The following DCX variants were observed in gnomAD, a reference collection of about 807,000 sequenced individuals.
DCX encodes the protein neuronal migration protein doublecortin.
Under a neutral mutation model 20.9 loss-of-function variants are expected in DCX, and 4 were observed. That is an observed-to-expected ratio of 0.19 (90% confidence interval 0.09 to 0.44). The LOEUF (loss-of-function observed/expected upper bound fraction) is 0.44, where lower values mean the gene tolerates loss of function less well. Ranked by LOEUF, DCX falls within the 20% of genes least tolerant of loss-of-function variation. The pLI is 0.99. For missense variants in DCX, 133 were observed against 296.9 expected (o/e 0.45, Z 4.06); for synonymous variants, 103 against 111.4 (o/e 0.92, Z 0.47).
At chrX:111,314,344 G>A (rs181336444) in intron 5 of DCX, among the ~76,000 whole-genome samples, 1 of 111,881 alleles carries the variant, frequency 8.9e-6, no homozygotes, top group East Asian at 2.8e-4. Flanking sequence ...CTTCCTGGGG[G>A]AGGCAGGCAA....
intron 3 of DCX, among the ~76,000 whole-genome samples, chrX:111,352,957 A>G (rs1293483821): frequency 9.0e-6 from 1 of 111,268 alleles, no homozygotes; most frequent in Non-Finnish European, 1.9e-5. Context: ...TGTCCTACAC[A>G]ATGGTGTTTT....
intron 3 of DCX, among the ~76,000 whole-genome samples, chrX:111,380,895 T>G (rs1159272778): frequency 9.0e-6 from 1 of 110,899 alleles, no homozygotes; most frequent in Non-Finnish European, 1.9e-5. Flanking sequence ...TTTTTGAAAA[T>G]TATATTTTAA....
intron 3 of DCX, among the ~76,000 whole-genome samples, chrX:111,339,033 A>G (rs769155237): frequency 3.6e-5 from 4 of 111,280 alleles, no homozygotes; most frequent in Non-Finnish European, 5.7e-5. Flanking sequence ...TTCCCTAAAT[A>G]CTTTTCCTTC....
At chrX:111,348,865 T>TA (rs373998339) in intron 3 of DCX, among the ~76,000 whole-genome samples, 1,271 of 97,510 alleles carry the variant, frequency 0.013, 8 homozygotes, top group African/African-American at 0.033. Flanking sequence ...AAAGGTTTGT[T>TA]AAAAAAAAAA....
Position 111,296,905 on chromosome X carries a change from C to A in DCX, c.*4782G>T, listed in dbSNP as rs2095022587. On this transcript the variant is annotated 3_prime_UTR_variant, in exon 7 of 7. Transcript: ENST00000636035. ...CACTAAGAGTCTGGGTGTATAAAGACCATACTAGACTTTTGGAGACAAAAA... is the reference window on the plus strand; with the variant it reads ...CACTAAGAGTCTGGGTGTATAAAGAACATACTAGACTTTTGGAGACAAAAA... 1 of 111,336 alleles carries A rather than the reference C, an allele frequency of 9.0e-6. No homozygotes were observed. Among genetic ancestry groups the A allele is most frequent in the Admixed American group, 9.5e-5 (1 of 10,504 alleles). 9.2% of individuals were successfully genotyped at this position (111,336 alleles called of 1,213,427 possible). A position where few individuals can be genotyped will look rare whatever the true frequency, so the allele number is the denominator to read the frequency against.
intron 3 of DCX, among the ~76,000 whole-genome samples, chrX:111,354,613 A>T (rs1923578719): frequency 8.9e-6 from 1 of 112,086 alleles, no homozygotes; most frequent in Non-Finnish European, 1.9e-5. Context: ...CCACACAGAA[A>T]GGCAGGACTA....
chrX:111,305,135 AAC>A (rs2095042261), intron 6 of DCX, among the ~76,000 whole-genome samples: 1 of 111,987 alleles, frequency 8.9e-6, no homozygotes, highest in Admixed American at 9.5e-5. Flanking sequence ...CCCTGATAGA[AAC>A]ACAGAATCCA....
Position 111,401,311 on chromosome X carries a change from G to C in DCX, c.384C>G (p.Ser128=), listed in dbSNP as rs1318644256. The part of the protein sequence containing the change: ...ELEEGESYVC[S]SDNFFKKVEY... ...CCACCTTTTTAAAGAAGTTGTCTGA[G>C]GAACAGACATAGCTTTCCCCTAAGG... Residue 128 remains serine, a synonymous_variant, in exon 3 of 7, where the codon TCC becomes TCG. Transcript: ENST00000636035. 8.3e-7 allele frequency: 1 copy of C among 1,209,538 alleles called. No homozygotes were observed. The highest frequency in any genetic ancestry group is 1.1e-6 in the Non-Finnish European group (1 of 893,438).
intron 3 of DCX, among the ~76,000 whole-genome samples, chrX:111,366,290 G>A (rs919931652): frequency 5.3e-4 from 59 of 111,632 alleles, no homozygotes; most frequent in Middle Eastern, 4.6e-3. Flanking sequence ...CAATTAAACA[G>A]TAACAGCCAG....
chrX:111,301,760 G>A lies in DCX; in HGVS notation c.1045-17C>T, dbSNP rs2095034726. 8.3e-7 allele frequency: 1 copy of A among 1,205,391 alleles called. No homozygotes were observed. Among genetic ancestry groups the A allele is most frequent in the Non-Finnish European group, 1.1e-6 (1 of 889,932 alleles). On this transcript the variant is annotated splice_polypyrimidine_tract_variant and intron_variant, in intron 6 of 6. Transcript: ENST00000636035. Reference sequence around the variant, plus strand: ...GTACAGGTCCTATAAGAAGAGAAGAGACAAAGTTAATTTTCCTTTTCTTGA... The same window carrying A: ...GTACAGGTCCTATAAGAAGAGAAGAAACAAAGTTAATTTTCCTTTTCTTGA...
At chrX:111,361,857 C>T (rs999005041) in intron 3 of DCX, among the ~76,000 whole-genome samples, 1 of 111,789 alleles carries the variant, frequency 8.9e-6, no homozygotes, top group Non-Finnish European at 1.9e-5. Flanking sequence ...AAGCCAACTG[C>T]TTTATCTAGT....
intron 3 of DCX, among the ~76,000 whole-genome samples, chrX:111,355,933 C>T (rs1269602067): frequency 1.8e-5 from 2 of 111,813 alleles, no homozygotes; most frequent in East Asian, 2.8e-4. Context: ...ACAAACAATA[C>T]TGTTGAAAGG....
chrX:111,385,561 C>G (rs1406516801), intron 3 of DCX, among the ~76,000 whole-genome samples: 2 of 109,954 alleles, frequency 1.8e-5, no homozygotes, highest in African/African-American at 6.6e-5. Context: ...GAGGCTGAGG[C>G]AGGAGAATCA....
intron 3 of DCX, among the ~76,000 whole-genome samples, chrX:111,381,730 A>G (rs1328404151): frequency 9.0e-6 from 1 of 111,697 alleles, no homozygotes; most frequent in Non-Finnish European, 1.9e-5. Context: ...ATGGTTGTCC[A>G]AAGTTGAAAT....
intron 3 of DCX, among the ~76,000 whole-genome samples, chrX:111,359,508 G>A (rs1924026399): frequency 1.8e-5 from 2 of 111,367 alleles, no homozygotes; most frequent in South Asian, 7.5e-4. Flanking sequence ...CAAAACCGAA[G>A]CCATAAAATT....
At chrX:111,333,290 C>A in intron 3 of DCX, 137 bp from the exon 4 acceptor site, 1 of 515,794 alleles carries the variant, frequency 1.9e-6, no homozygotes, top group Non-Finnish European at 3.5e-6. Context: ...CTTAAAACAC[C>A]TACCACATTC....
At chrX:111,382,870 T>A (rs955719426) in intron 3 of DCX, among the ~76,000 whole-genome samples, 41 of 110,184 alleles carry the variant, frequency 3.7e-4, no homozygotes, top group African/African-American at 1.4e-3. Flanking sequence ...CTTCTAGGAG[T>A]CATTCAACAA....
chrX:111,336,536 C>G (rs972840159), intron 3 of DCX, among the ~76,000 whole-genome samples: 2 of 112,120 alleles, frequency 1.8e-5, no homozygotes, highest in African/African-American at 6.5e-5. Flanking sequence ...CGGCAGCCCC[C>G]CATCTTTGTT....
intron 3 of DCX, among the ~76,000 whole-genome samples, chrX:111,363,046 A>G (rs1255210239): frequency 8.9e-6 from 1 of 111,921 alleles, no homozygotes; most frequent in African/African-American, 3.2e-5. Context: ...TGGTAAGGCT[A>G]CAAGGTGAGG....
Sources: allele counts gnomAD v4.1 joint callset (sites outside exome capture counted in the v4.1 genomes callset), GRCh38; gene constraint gnomAD v4.1.1; transcripts MANE v1.5; gene names NCBI Gene and HGNC (gene_info 2026-07-23, HGNC 2026-07-21).